PLAC1: variants seen among roughly 807,000 people sequenced by gnomAD.
PLAC1 encodes the protein placenta associated 1.
For synonymous variants in PLAC1, 68 were observed against 62.1 expected (o/e 1.09, Z -0.44); for missense variants, 136 against 163.2 (o/e 0.83, Z 0.91).
At chrX:134,590,205 AAATAAATAAAT>A (rs1423742285) in intron 2 of PLAC1, among the ~76,000 whole-genome samples, 1 of 109,895 alleles carries the variant, frequency 9.1e-6, no homozygotes, top group Non-Finnish European at 1.9e-5. Flanking sequence ...AAAAATAAAT[AAATAAATAAAT>A]AATAAATAAA....
At chrX:134,662,572 C>CA (rs2147806402), upstream of PLAC1, among the ~76,000 whole-genome samples, 1 of 112,101 alleles carries the variant, frequency 8.9e-6, no homozygotes, top group African/African-American at 3.2e-5. Context: ...GTGTAGCCCA[C>CA]AAGCAAAGGA....
chrX:134,674,657 C>T (rs1000763110), intron 2 of PLAC1, among the ~76,000 whole-genome samples: 7 of 112,431 alleles, frequency 6.2e-5, no homozygotes, highest in African/African-American at 2.3e-4. Flanking sequence ...TTGGCTGGGT[C>T]CTCCACTTTC....
At chrX:134,594,158 A>T (rs770771568) in intron 2 of PLAC1, among the ~76,000 whole-genome samples, 2 of 111,803 alleles carry the variant, frequency 1.8e-5, no homozygotes, top group Non-Finnish European at 3.8e-5. Flanking sequence ...AAATGATATA[A>T]TCATGTGATT....
At chrX:134,727,064 A>G (rs1482258505) in intron 2 of PLAC1, among the ~76,000 whole-genome samples, 2 of 109,775 alleles carry the variant, frequency 1.8e-5, no homozygotes, top group African/African-American at 3.3e-5. Context: ...TTACCTCCCA[A>G]TTTCCTAAGG....
At chrX:134,656,768 G>T (rs1017812621) in intron 1 of PLAC1, among the ~76,000 whole-genome samples, 3 of 110,763 alleles carry the variant, frequency 2.7e-5, no homozygotes, top group Non-Finnish European at 5.7e-5. Flanking sequence ...TTTAGTTTTT[G>T]TAGAGACGGT....
At chrX:134,730,183 G>T (rs781357147) in intron 2 of PLAC1, among the ~76,000 whole-genome samples, 2 of 111,941 alleles carry the variant, frequency 1.8e-5, no homozygotes, top group Non-Finnish European at 3.8e-5. Context: ...GGACCTGAAG[G>T]CTCCATATGA....
intron 1 of PLAC1, chrX:134,760,446 C>G (rs1296865063): frequency 9.0e-6 from 1 of 111,266 alleles, no homozygotes; most frequent in Non-Finnish European, 1.9e-5. Flanking sequence ...CCTTTTGACC[C>G]AGTAATTCCA....
intron 2 of PLAC1, among the ~76,000 whole-genome samples, chrX:134,673,235 T>G (rs1602897165): frequency 2.3e-5 from 2 of 86,872 alleles, no homozygotes; most frequent in African/African-American, 4.6e-5. Context: ...AAGGAAAGAA[T>G]GGAGGAAAGG....
rs753927326 is a variant in PLAC1, at chrX:134,667,463, C to T, written n.175-65341G>A. On this transcript the variant is annotated intron_variant and non_coding_transcript_variant, in intron 2 of 2. Coordinates refer to the PLAC1 transcript ENST00000466797. ...ATAATTAGGGTAATGCAATTCCAAG[C>T]TACAGTGAGGTACTACCTCACACCT... Among the ~76,000 whole-genome samples, 224 of 112,179 alleles carry T rather than the reference C, an allele frequency of 2.0e-3. 2 individuals carry two copies. Among genetic ancestry groups the T allele is most frequent in the African/African-American group, 7.0e-3 (215 of 30,889 alleles).
intron 1 of PLAC1, among the ~76,000 whole-genome samples, chrX:134,750,825 ATATATATATT>A (rs1373627581): frequency 0.028 from 1,082 of 38,267 alleles, 291 homozygotes; most frequent in Admixed American, 0.063. Context: ...ATATATATAT[ATATATATATT>A]TATATATATA....
At chrX:134,732,015 C>T (rs913261073) in intron 2 of PLAC1, among the ~76,000 whole-genome samples, 1 of 111,656 alleles carries the variant, frequency 9.0e-6, no homozygotes, top group African/African-American at 3.3e-5. Flanking sequence ...CCAATGAACT[C>T]CCAACTTGTA....
chrX:134,579,922 A>C (rs2077965776), intron 2 of PLAC1, among the ~76,000 whole-genome samples: 1 of 111,792 alleles, frequency 8.9e-6, no homozygotes, highest in African/African-American at 3.3e-5. Context: ...TTCTCAGGCC[A>C]AGCCACCAGT....
At chrX:134,631,587 T>G (rs1265338593) in intron 1 of PLAC1, among the ~76,000 whole-genome samples, 2 of 111,667 alleles carry the variant, frequency 1.8e-5, no homozygotes, top group Admixed American at 1.9e-4. Flanking sequence ...TGGAGTGAAT[T>G]AGTTTTGGCT....
At chrX:134,686,058 C>T (rs1188912483) in intron 2 of PLAC1, among the ~76,000 whole-genome samples, 1 of 111,688 alleles carries the variant, frequency 9.0e-6, no homozygotes, top group African/African-American at 3.3e-5. Flanking sequence ...CTGACACACA[C>T]GTAAGCCAAG....
At chrX:134,708,786 C>T (rs1485187953) in intron 2 of PLAC1, among the ~76,000 whole-genome samples, 1 of 111,387 alleles carries the variant, frequency 9.0e-6, no homozygotes, top group Non-Finnish European at 1.9e-5. Flanking sequence ...GATCCGCCCA[C>T]GTCGGCCTCC....
chrX:134,647,198 A>G (rs1202273306), intron 1 of PLAC1, among the ~76,000 whole-genome samples: 1 of 111,514 alleles, frequency 9.0e-6, no homozygotes, highest in Non-Finnish European at 1.9e-5. Context: ...TGGCTATCCT[A>G]TCTACATTTG....
At chrX:134,608,877 T>C (rs2078137515) in intron 1 of PLAC1, among the ~76,000 whole-genome samples, 1 of 109,485 alleles carries the variant, frequency 9.1e-6, no homozygotes, top group African/African-American at 3.3e-5. Flanking sequence ...GGTTTCACCA[T>C]GTTGGTCAGG....
At chrX:134,697,866 T>A (rs2078570159) in intron 2 of PLAC1, among the ~76,000 whole-genome samples, 1 of 111,104 alleles carries the variant, frequency 9.0e-6, no homozygotes, top group Non-Finnish European at 1.9e-5. Context: ...AGACTCTATC[T>A]AAAAAAAGAA....
At chrX:134,646,847 A>G (rs184326104) in intron 1 of PLAC1, among the ~76,000 whole-genome samples, 1 of 112,315 alleles carries the variant, frequency 8.9e-6, no homozygotes, top group Non-Finnish European at 1.9e-5. Context: ...CCTTGGCCAA[A>G]CGGCCCTGGA....
Sources: allele counts gnomAD v4.1 joint callset (sites outside exome capture counted in the v4.1 genomes callset), GRCh38; gene constraint gnomAD v4.1.1; transcripts MANE v1.5; gene names NCBI Gene and HGNC (gene_info 2026-07-23, HGNC 2026-07-21).